Variants in SLC24A2 observed in about 807,000 individuals in gnomAD.
The protein encoded by SLC24A2 is sodium/potassium/calcium exchanger 2.
In SLC24A2, 36 loss-of-function variants were observed where a neutral mutation model predicts 62.0. The observed-to-expected ratio is 0.58, with a 90% CI of 0.44 to 0.77. The LOEUF is 0.77. Among genes scored for constraint, SLC24A2 ranks in the 30% least tolerant of loss-of-function variants. The pLI, the probability that SLC24A2 is intolerant of heterozygous loss-of-function variation, is 0.00. For synonymous variants in SLC24A2, 358 were observed against 294.0 expected, an observed-to-expected ratio of 1.22 and a Z score of -2.23; for missense variants, 846 against 817.9, an observed-to-expected ratio of 1.03 and a Z score of -0.42.
chr9:19,868,257 T>C, the SLC24A2 span, among the ~76,000 whole-genome samples: 49 of 152,314 alleles, frequency 3.2e-4, 1 homozygote, highest in East Asian at 9.3e-3. Flanking sequence ...ATTTATTCTT[T>C]GATCTATTAG....
rs550095732 is a variant in SLC24A2, at chr9:19,686,988, T to C, written c.931-64689A>G. Among the ~76,000 whole-genome samples the C allele has an allele frequency of 6.6e-5, 10 of 152,206 alleles. No individual in the cohort carries two copies. The South Asian group carries it at 1.2e-3, about 19-fold the overall frequency. ...TGAGATAATGTCCTTTGCAGCAACA[T>C]AGATGGAGCTGGAGACCATAATCCT... On this transcript the variant is annotated intron_variant, in intron 2 of 10. Transcript: ENST00000341998.
intron 7 of SLC24A2, among the ~76,000 whole-genome samples, chr9:19,561,738 A>G: frequency 6.6e-6 from 1 of 152,066 alleles, no homozygotes; most frequent in East Asian, 1.9e-4. Context: ...CCGAAAACAG[A>G]CTTCTTAAAA....
In SLC24A2 at chr9:19,560,914, TATAGAGAGAGAG is replaced by T. The variant is rs1356635157; in HGVS notation, c.1348-10658_1348-10647del. On this transcript the variant is annotated intron_variant, in intron 7 of 10. Coordinates refer to ENST00000341998, the MANE Select transcript of SLC24A2 (RefSeq NM_020344.4). ...GTGTGTGTGTATATATATATATATA[TATAGAGAGAGAG>T]AGAGAGAGAGAGAGAGAGAGACAGA... Among the ~76,000 whole-genome samples, 402 of 106,432 alleles carry T rather than the reference TATAGAGAGAGAG, an allele frequency of 3.8e-3. 4 individuals carry two copies. Among genetic ancestry groups the T allele is most frequent in the Admixed American group, 0.03 (300 of 9,878 alleles). 69.8% of individuals were successfully genotyped at this position (106,432 alleles called of 152,430 possible).
chr9:20,091,263 A>C, the SLC24A2 span, among the ~76,000 whole-genome samples: 1 of 152,162 alleles, frequency 6.6e-6, no homozygotes, highest in African/African-American at 2.4e-5. Flanking sequence ...ATAAGAAAGC[A>C]AACAACTTGG....
At chr9:19,662,611 G>A (rs920985228) in intron 2 of SLC24A2, among the ~76,000 whole-genome samples, 24 of 152,136 alleles carry the variant, frequency 1.6e-4, no homozygotes, top group African/African-American at 5.8e-4. Context: ...ATTTTCCGCA[G>A]AGTACACTGA....
intron 7 of SLC24A2, among the ~76,000 whole-genome samples, chr9:19,552,390 T>C (rs1834888402): frequency 6.6e-6 from 1 of 152,234 alleles, no homozygotes; most frequent in African/African-American, 2.4e-5. Flanking sequence ...CTCCCAGATA[T>C]GATCCTTCTT....
chr9:19,582,508 C>T (rs1005789250), intron 5 of SLC24A2, among the ~76,000 whole-genome samples: 3 of 152,086 alleles, frequency 2.0e-5, no homozygotes, highest in South Asian at 2.1e-4. Flanking sequence ...GTGAACAGAC[C>T]ATGGCTTGGG....
chr9:19,569,447 C>T (rs1835776792), intron 7 of SLC24A2, among the ~76,000 whole-genome samples: 1 of 152,176 alleles, frequency 6.6e-6, no homozygotes. Context: ...TCTGCAGCTT[C>T]CCACTCCCAA....
chr9:19,825,011 G>A, the SLC24A2 span, among the ~76,000 whole-genome samples: 1 of 152,072 alleles, frequency 6.6e-6, no homozygotes, highest in Non-Finnish European at 1.5e-5. Flanking sequence ...CACACACCGG[G>A]CCTATCAGGG....
the SLC24A2 span, among the ~76,000 whole-genome samples, chr9:20,085,902 T>C: frequency 1.3e-5 from 2 of 152,218 alleles, no homozygotes; most frequent in African/African-American, 4.8e-5. Flanking sequence ...GAATTTTTTT[T>C]CCCTCCAATT....
At chr9:19,853,842 A>G in the SLC24A2 span, among the ~76,000 whole-genome samples, 1 of 152,120 alleles carries the variant, frequency 6.6e-6, no homozygotes, top group Non-Finnish European at 1.5e-5. Context: ...GGAGGAGTCT[A>G]TCCTTTTCAA....
At chr9:20,137,258 A>G in the SLC24A2 span, among the ~76,000 whole-genome samples, 38 of 152,336 alleles carry the variant, frequency 2.5e-4, no homozygotes, top group Admixed American at 1.0e-3. Flanking sequence ...CATGGTATTT[A>G]AAAGATCACT....
At chr9:20,093,223 C>T in the SLC24A2 span, among the ~76,000 whole-genome samples, 43 of 151,922 alleles carry the variant, frequency 2.8e-4, 3 homozygotes, top group East Asian at 2.3e-3. Flanking sequence ...CAGGCATGCA[C>T]GACCACACCT....
At chr9:19,691,904 C>A (rs1051014751) in intron 2 of SLC24A2, among the ~76,000 whole-genome samples, 1 of 152,070 alleles carries the variant, frequency 6.6e-6, no homozygotes, top group Admixed American at 6.6e-5. Context: ...GAAAGCTCTA[C>A]CCCTCCCCTC....
chr9:20,150,332 C>T, the SLC24A2 span, among the ~76,000 whole-genome samples: 1 of 151,974 alleles, frequency 6.6e-6, no homozygotes, highest in South Asian at 2.1e-4. Context: ...GAGACAGCCA[C>T]TTGGCCAACT....
chr9:20,028,952 C>G, the SLC24A2 span, among the ~76,000 whole-genome samples: 14 of 152,296 alleles, frequency 9.2e-5, no homozygotes, highest in Admixed American at 7.2e-4. Flanking sequence ...CCAGCCGTTT[C>G]TGTTTCCTCT....
At chr9:19,809,630 A>G in the SLC24A2 span, among the ~76,000 whole-genome samples, 17 of 152,248 alleles carry the variant, frequency 1.1e-4, no homozygotes, top group South Asian at 3.3e-3. Flanking sequence ...TTTGTCAGCC[A>G]CATGTACAGT....
At chr9:20,017,125 C>T in the SLC24A2 span, among the ~76,000 whole-genome samples, 1 of 152,144 alleles carries the variant, frequency 6.6e-6, no homozygotes, top group Non-Finnish European at 1.5e-5. Context: ...TGACTTCAAG[C>T]AATTTGTGTG....
chr9:20,019,311 G>GAAAC, the SLC24A2 span, among the ~76,000 whole-genome samples: 13 of 145,552 alleles, frequency 8.9e-5, 1 homozygote, highest in Admixed American at 8.7e-4. Flanking sequence ...AAGAAAGAAA[G>GAAAC]AAAGTGAGTG....
Sources: allele counts gnomAD v4.1 joint callset (sites outside exome capture counted in the v4.1 genomes callset), GRCh38; gene constraint gnomAD v4.1.1; transcripts MANE v1.5; gene names NCBI Gene and HGNC (gene_info 2026-07-23, HGNC 2026-07-21).